The following ST18 variants were observed in gnomAD, a reference collection of about 807,000 sequenced individuals.
The protein encoded by ST18 is ST18 C2H2C-type zinc finger transcription factor, also known as suppression of tumorigenicity 18 protein.
A neutral mutation model predicts 110.0 loss-of-function variants in ST18; 50 were observed. The ratio of observed to expected loss-of-function variants is 0.45; its 90% CI spans 0.36 to 0.58. The LOEUF (loss-of-function observed/expected upper bound fraction) is 0.58. Ranked by LOEUF, ST18 falls within the 20% of genes least tolerant of loss-of-function variation. ST18 has a pLI of 0.00. For missense variants in ST18, 1,306 were observed against 1,280.1 expected (o/e 1.02, Z -0.31); for synonymous variants, 461 against 452.4 (o/e 1.02, Z -0.24).
chr8:52,117,119 CTTG>C (rs1485119311), intron 24 of ST18, among the ~76,000 whole-genome samples: 1 of 152,188 alleles, frequency 6.6e-6, no homozygotes, highest in African/African-American at 2.4e-5. Flanking sequence ...TGTGAGCTGC[CTTG>C]TTGTCTCTGA....
chr8:52,339,541 A>G (rs1280877411), intron 2 of ST18, among the ~76,000 whole-genome samples: 1 of 152,160 alleles, frequency 6.6e-6, no homozygotes, highest in African/African-American at 2.4e-5. Context: ...CCTCCACACA[A>G]GTTTTGAATT....
At chr8:52,362,075 G>A (rs1825968775) in intron 2 of ST18, among the ~76,000 whole-genome samples, 3 of 152,004 alleles carry the variant, frequency 2.0e-5, no homozygotes, top group Admixed American at 2.0e-4. Context: ...CAAAAGAGGG[G>A]GTTATAAAAT....
chr8:52,193,072 G>A (rs1412492271), intron 8 of ST18, among the ~76,000 whole-genome samples: 1 of 152,142 alleles, frequency 6.6e-6, no homozygotes, highest in East Asian at 1.9e-4. Flanking sequence ...AGGTTAGCAG[G>A]CAGAGAATCT....
chr8:52,347,735 G>A (rs1818399700), intron 2 of ST18, among the ~76,000 whole-genome samples: 1 of 152,158 alleles, frequency 6.6e-6, no homozygotes, highest in South Asian at 2.1e-4. Context: ...GAAAAATGAA[G>A]AAGCTGAGGC....
At chr8:52,297,080 C>CA (rs1209156336) in intron 2 of ST18, among the ~76,000 whole-genome samples, 4 of 152,200 alleles carry the variant, frequency 2.6e-5, no homozygotes, top group Non-Finnish European at 5.9e-5. Context: ...GAACAGACCC[C>CA]AACTCATATA....
At chr8:52,345,816 A>G (rs148091442) in intron 2 of ST18, among the ~76,000 whole-genome samples, 11 of 152,310 alleles carry the variant, frequency 7.2e-5, no homozygotes, top group African/African-American at 2.4e-4. Flanking sequence ...ACTAGAAAGC[A>G]AAGATTCCTA....
intron 8 of ST18, among the ~76,000 whole-genome samples, chr8:52,201,839 T>C (rs1249633003): frequency 6.6e-6 from 1 of 152,200 alleles, no homozygotes; most frequent in Non-Finnish European, 1.5e-5. Context: ...ATTCCAGTTT[T>C]GTTTTCTCTT....
chr8:52,136,766 T>C lies in ST18; in HGVS notation c.2232-108A>G, dbSNP rs1016858013. On this transcript the variant is annotated intron_variant, in intron 18 of 25. Transcript: ENST00000689386. ...ACGTTAAATTATTGGTGACTGGGGA[T>C]TGGGAAAAAAAAATAACTGGCTTTG... 5 of 953,738 alleles carry C rather than the reference T, an allele frequency of 5.2e-6. No individual in the cohort carries two copies. The East Asian group carries it at 8.5e-5, about 16-fold the overall frequency. 59.1% of individuals were successfully genotyped at this position (953,738 alleles called of 1,614,324 possible). A position where few individuals can be genotyped will look rare whatever the true frequency, so the allele number is the denominator to read the frequency against.
chr8:52,366,755 G>C (rs1443242550), intron 2 of ST18, among the ~76,000 whole-genome samples: 1 of 152,066 alleles, frequency 6.6e-6, no homozygotes, highest in Admixed American at 6.6e-5. Context: ...ACCTGATATT[G>C]TCTTATTGTT....
At chr8:52,157,919 T>C (rs1181456860) in intron 15 of ST18, among the ~76,000 whole-genome samples, 1 of 152,260 alleles carries the variant, frequency 6.6e-6, no homozygotes, top group Non-Finnish European at 1.5e-5. Flanking sequence ...AGGGTTAGCA[T>C]TTGATGCAGA....
At chr8:52,255,225 A>G (rs1589360820) in intron 2 of ST18, among the ~76,000 whole-genome samples, 2 of 152,070 alleles carry the variant, frequency 1.3e-5, no homozygotes, top group African/African-American at 4.8e-5. Context: ...GGCTGTCGGG[A>G]TTGGACACTT....
chr8:52,291,001 T>A (rs2139343435), intron 2 of ST18, among the ~76,000 whole-genome samples: 1 of 152,322 alleles, frequency 6.6e-6, no homozygotes, highest in African/African-American at 2.4e-5. Context: ...TGTGGAGTGC[T>A]AGTTCAGAAC....
intron 14 of ST18, among the ~76,000 whole-genome samples, chr8:52,160,939 T>C (rs1457879572): frequency 1.3e-5 from 2 of 152,238 alleles, no homozygotes; most frequent in Admixed American, 6.5e-5. Flanking sequence ...GTTTGAATGC[T>C]TTTGCTGAGT....
intron 4 of ST18, among the ~76,000 whole-genome samples, 167 bp from the exon 5 acceptor site, chr8:52,221,015 G>A (rs1182820347): frequency 6.6e-6 from 1 of 152,048 alleles, no homozygotes; most frequent in Non-Finnish European, 1.5e-5. Context: ...ATGTATCAAT[G>A]GGGAAAAATA....
chr8:52,118,807 C>G (rs2043508858), intron 23 of ST18, among the ~76,000 whole-genome samples: 1 of 151,940 alleles, frequency 6.6e-6, no homozygotes, highest in African/African-American at 2.4e-5. Context: ...TAAATGAGAC[C>G]CCAAGAATCA....
chr8:52,212,214 C>T, intron 7 of ST18, 105 bp from the exon 8 acceptor site: 1 of 1,054,090 alleles, frequency 9.5e-7, no homozygotes. Flanking sequence ...CAATAAGTTT[C>T]TCACTGGGTG....
At chr8:52,299,497 A>G (rs2095683801) in intron 2 of ST18, among the ~76,000 whole-genome samples, 1 of 152,102 alleles carries the variant, frequency 6.6e-6, no homozygotes, top group South Asian at 2.1e-4. Context: ...AACATATTAA[A>G]CCTACTTATT....
intron 2 of ST18, among the ~76,000 whole-genome samples, chr8:52,325,617 C>T (rs16917683): frequency 8.5e-4 from 130 of 152,180 alleles, no homozygotes; most frequent in Non-Finnish European, 1.5e-3. Context: ...AATGGTAAAA[C>T]GAAAACAGAA....
At chr8:52,405,484 T>A (rs536798446) in intron 2 of ST18, 1 of 152,256 alleles carries the variant, frequency 6.6e-6, no homozygotes, top group Non-Finnish European at 1.5e-5. Context: ...CAGAGTTCTC[T>A]TTTGAGGATT....
Sources: gnomAD v4.1 joint callset for allele counts (sites outside exome capture counted in the v4.1 genomes callset) on GRCh38, gnomAD v4.1.1 for gene constraint, MANE v1.5 for transcripts, NCBI Gene and HGNC (gene_info 2026-07-23, HGNC 2026-07-21) for gene names.